Variants in SIAH3 observed in about 807,000 individuals in gnomAD.
SIAH3 encodes the protein seven in absentia homolog 3.
Under a neutral mutation model 12.6 loss-of-function variants are expected in SIAH3, and 9 were observed. The observed-to-expected ratio is 0.72, with a 90% CI of 0.43 to 1.25. SIAH3 has a LOEUF of 1.25. SIAH3 is among the 50% of genes most tolerant of loss of function. The probability of loss-of-function intolerance (pLI) is 0.00; values close to 1 mark genes in which losing one functional copy is unlikely to be tolerated. For missense variants in SIAH3, 390 were observed against 365.4 expected, an observed-to-expected ratio of 1.07 and a Z score of -0.55; for synonymous variants, 154 against 151.1, an observed-to-expected ratio of 1.02 and a Z score of -0.14.
intron 1 of SIAH3, among the ~76,000 whole-genome samples, chr13:45,790,569 G>C (rs772976796): frequency 6.6e-6 from 1 of 152,178 alleles, no homozygotes; most frequent in African/African-American, 2.4e-5. Context: ...ATATTTTCCT[G>C]CTTGCTGAGT....
intron 1 of SIAH3, among the ~76,000 whole-genome samples, chr13:45,839,725 G>C (rs7987023): frequency 0.13 from 19,106 of 152,002 alleles, 1,751 homozygotes; most frequent in East Asian, 0.34. Flanking sequence ...CCAGCTACTA[G>C]GGAGGCTGAG....
chr13:45,831,223 T>TAAAA lies in SIAH3; in HGVS notation c.135+20268_135+20271dup, dbSNP rs879944490. 2.5e-3 allele frequency among the ~76,000 whole-genome samples: 356 copies of TAAAA among 141,594 alleles called. 2 individuals are homozygous for TAAAA. The highest frequency in any genetic ancestry group is 8.5e-3 in the African/African-American group (318 of 37,598). 92.9% of individuals were successfully genotyped at this position (141,594 alleles called of 152,430 possible). A position where few individuals can be genotyped will look rare whatever the true frequency, so the allele number is the denominator to read the frequency against. On this transcript the variant is annotated intron_variant, in intron 1 of 1. Coordinates refer to ENST00000400405, the MANE Select transcript of SIAH3 (RefSeq NM_198849.3). ...ATAAATAAATAAATAAATAAATAAA[T>TAAAA]AAAATAAAAAAATGAATCGTCTATG...
chr13:45,826,027 G>A (rs532416496), intron 1 of SIAH3, among the ~76,000 whole-genome samples: 8 of 152,192 alleles, frequency 5.3e-5, no homozygotes, highest in African/African-American at 1.4e-4. Flanking sequence ...TCTGGAAGGC[G>A]TTTTCCCTTG....
intron 1 of SIAH3, among the ~76,000 whole-genome samples, chr13:45,812,399 G>A (rs989904388): frequency 6.6e-6 from 1 of 152,218 alleles, no homozygotes; most frequent in African/African-American, 2.4e-5. Context: ...AGGCTGGGAT[G>A]TGGTCCAATT....
intron 1 of SIAH3, among the ~76,000 whole-genome samples, chr13:45,819,930 G>A (rs1477689270): frequency 6.6e-6 from 1 of 152,224 alleles, no homozygotes; most frequent in African/African-American, 2.4e-5. Context: ...AAGTCAGCGG[G>A]TTCAGTCGTG....
chr13:45,813,933 G>A (rs1010024707), intron 1 of SIAH3, among the ~76,000 whole-genome samples: 3 of 152,060 alleles, frequency 2.0e-5, no homozygotes, highest in Middle Eastern at 3.2e-3. Context: ...ATGAATCTTG[G>A]GGTGATAAAA....
chr13:45,812,495 T>A (rs1163272108), intron 1 of SIAH3, among the ~76,000 whole-genome samples: 1 of 152,178 alleles, frequency 6.6e-6, no homozygotes, highest in Non-Finnish European at 1.5e-5. Flanking sequence ...TCAAGGAACA[T>A]TATTAATAGC....
chr13:45,804,993 CACACACACACACACACAA>C (rs1214277428), intron 1 of SIAH3, among the ~76,000 whole-genome samples: 3 of 150,760 alleles, frequency 2.0e-5, no homozygotes, highest in Non-Finnish European at 4.4e-5. Context: ...CACACACACA[CACACACACACACACACAA>C]AATACTTTGG....
intron 1 of SIAH3, among the ~76,000 whole-genome samples, chr13:45,846,252 G>A (rs188635551): frequency 3.9e-5 from 6 of 152,030 alleles, no homozygotes; most frequent in Non-Finnish European, 8.8e-5. Context: ...ACCATGCCCA[G>A]CTAATTTTCG....
intron 1 of SIAH3, among the ~76,000 whole-genome samples, chr13:45,808,004 T>C (rs1275606192): frequency 2.0e-5 from 3 of 152,240 alleles, no homozygotes; most frequent in Admixed American, 2.0e-4. Context: ...TGCTTACATA[T>C]CTGTAAATCT....
At chr13:45,830,806 G>C (rs948436947) in intron 1 of SIAH3, among the ~76,000 whole-genome samples, 1 of 148,094 alleles carries the variant, frequency 6.8e-6, no homozygotes, top group Admixed American at 6.9e-5. Flanking sequence ...CCTCTGAGTG[G>C]TCCTAGAAGG....
intron 1 of SIAH3, among the ~76,000 whole-genome samples, chr13:45,810,851 G>A (rs2137564006): frequency 1.3e-5 from 2 of 152,278 alleles, no homozygotes; most frequent in African/African-American, 4.8e-5. Context: ...CTGCATGCAT[G>A]GGGCCTGGAA....
At chr13:45,821,634 AATTAACT>A (rs755547206) in intron 1 of SIAH3, among the ~76,000 whole-genome samples, 210 of 152,320 alleles carry the variant, frequency 1.4e-3, no homozygotes, top group Non-Finnish European at 2.3e-3. Context: ...CCATTGTCCT[AATTAACT>A]ATAGCAAAGA....
intron 1 of SIAH3, among the ~76,000 whole-genome samples, chr13:45,850,433 C>T (rs1291850709): frequency 6.6e-6 from 1 of 152,106 alleles, no homozygotes; most frequent in East Asian, 1.9e-4. Context: ...ACTGTCGCTA[C>T]AGACACGGCC....
intron 1 of SIAH3, among the ~76,000 whole-genome samples, chr13:45,841,341 C>T (rs554234000): frequency 1.3e-5 from 2 of 152,322 alleles, no homozygotes; most frequent in Non-Finnish European, 1.5e-5. Context: ...CTTCCTAATG[C>T]CAAGCTAACC....
At chr13:45,811,780 T>C (rs1950617355) in intron 1 of SIAH3, among the ~76,000 whole-genome samples, 1 of 152,246 alleles carries the variant, frequency 6.6e-6, no homozygotes, top group South Asian at 2.1e-4. Flanking sequence ...TCTTTCCAAG[T>C]ATGCCTCAGC....
At chr13:45,846,936 T>G (rs2137586875) in intron 1 of SIAH3, among the ~76,000 whole-genome samples, 1 of 152,366 alleles carries the variant, frequency 6.6e-6, no homozygotes, top group African/African-American at 2.4e-5. Context: ...ACGAATGCTC[T>G]GAGCCCACAG....
intron 1 of SIAH3, among the ~76,000 whole-genome samples, chr13:45,786,980 T>G (rs1418430160): frequency 6.6e-6 from 1 of 152,134 alleles, no homozygotes. Flanking sequence ...CCTGTACAGC[T>G]AATGTCAGAG....
intron 1 of SIAH3, among the ~76,000 whole-genome samples, chr13:45,809,862 G>A (rs1950610642): frequency 6.6e-6 from 1 of 152,144 alleles, no homozygotes; most frequent in Non-Finnish European, 1.5e-5. Context: ...AAAACTAAAT[G>A]TTGTTTCAAG....
Sources: gnomAD v4.1 joint callset for allele counts (sites outside exome capture counted in the v4.1 genomes callset) on GRCh38, gnomAD v4.1.1 for gene constraint, MANE v1.5 for transcripts, NCBI Gene and HGNC (gene_info 2026-07-23, HGNC 2026-07-21) for gene names.